SCCPDH: variants seen among roughly 807,000 people sequenced by gnomAD.
SCCPDH encodes the protein saccharopine dehydrogenase-like oxidoreductase.
In SCCPDH, 34 loss-of-function variants were observed where a neutral mutation model predicts 51.5. The ratio of observed to expected loss-of-function variants is 0.66; its 90% confidence interval spans 0.50 to 0.88. The LOEUF (loss-of-function observed/expected upper bound fraction) is 0.88. Among genes scored for constraint, SCCPDH ranks in the 40% least tolerant of loss-of-function variants. SCCPDH has a pLI of 0.00. For synonymous variants in SCCPDH, 187 were observed against 191.3 expected, an observed-to-expected ratio of 0.98 and a Z score of 0.19; for missense variants, 464 against 527.1, an observed-to-expected ratio of 0.88 and a Z score of 1.17.
At chr1:246,766,879 C>CT (rs141991606) in intron 11 of SCCPDH, among the ~76,000 whole-genome samples, 2,567 of 152,214 alleles carry the variant, frequency 0.017, 61 homozygotes, top group African/African-American at 0.059. Flanking sequence ...CCCCCTAAGT[C>CT]TGAGGACTGT....
intron 5 of SCCPDH, among the ~76,000 whole-genome samples, chr1:246,745,691 G>A (rs1668748250): frequency 6.6e-6 from 1 of 152,130 alleles, no homozygotes; most frequent in Non-Finnish European, 1.5e-5. Context: ...TCTCGATTGT[G>A]GGTTCAGATT....
At chr1:246,743,987 T>A (rs965902813) in intron 4 of SCCPDH, 89 bp from the exon 5 acceptor site, 11 of 742,708 alleles carry the variant, frequency 1.5e-5, no homozygotes, top group African/African-American at 8.8e-5. Context: ...AGCTAGTCCC[T>A]AAGTGAATAC....
intron 5 of SCCPDH, among the ~76,000 whole-genome samples, chr1:246,757,518 A>T (rs1171224072): frequency 6.6e-6 from 1 of 152,090 alleles, no homozygotes; most frequent in Non-Finnish European, 1.5e-5. Flanking sequence ...TCATGAAAGG[A>T]TGAAAAATCA....
chr1:246,759,010 A>C (rs531130316), intron 6 of SCCPDH, 24 bp from the exon 7 acceptor site: 2 of 1,297,136 alleles, frequency 1.5e-6, no homozygotes, highest in South Asian at 2.4e-5. Flanking sequence ...GGAAATGCAA[A>C]ATATTCATAG....
chr1:246,739,200 T>C (rs1399614163), intron 3 of SCCPDH, among the ~76,000 whole-genome samples: 4 of 152,188 alleles, frequency 2.6e-5, no homozygotes, highest in African/African-American at 9.7e-5. Context: ...AGAAACCTGG[T>C]GAACACTGCC....
chr1:246,725,195 A>G (rs1271982569), intron 1 of SCCPDH, among the ~76,000 whole-genome samples: 1 of 152,218 alleles, frequency 6.6e-6, no homozygotes, highest in East Asian at 1.9e-4. Flanking sequence ...TTTCTGGTTT[A>G]GACGCTTACG....
At chr1:246,749,262 A>G (rs1668816165) in intron 5 of SCCPDH, among the ~76,000 whole-genome samples, 1 of 152,222 alleles carries the variant, frequency 6.6e-6, no homozygotes, top group East Asian at 1.9e-4. Flanking sequence ...TTAGCGTGCA[A>G]ACAGAATATT....
chr1:246,762,841 C>CAAA (rs35066232), intron 9 of SCCPDH, among the ~76,000 whole-genome samples: 2 of 90,924 alleles, frequency 2.2e-5, no homozygotes. Context: ...ATTCCTTCTC[C>CAAA]AAAAAAAAAA....
chr1:246,727,080 G>A, intron 2 of SCCPDH, 76 bp downstream of exon 2: 1 of 1,146,114 alleles, frequency 8.7e-7, no homozygotes, highest in South Asian at 1.3e-5. Context: ...AGGAACATAA[G>A]GACAGAGGAC....
chr1:246,758,453 G>A (rs144574514), intron 6 of SCCPDH, 97 bp downstream of exon 6: 1 of 831,808 alleles, frequency 1.2e-6, no homozygotes, highest in East Asian at 2.9e-5. Context: ...AAAGCTTGGA[G>A]ACTAATTTGT....
chr1:246,759,831 T>C (rs1572306775), intron 7 of SCCPDH, 126 bp from the exon 8 acceptor site: 1 of 1,041,732 alleles, frequency 9.6e-7, no homozygotes, highest in East Asian at 2.6e-5. Flanking sequence ...ACATAATGCA[T>C]TTGTAAAGTG....
chr1:246,740,637 T>C (rs1357216768), intron 4 of SCCPDH, among the ~76,000 whole-genome samples: 2 of 152,218 alleles, frequency 1.3e-5, no homozygotes, highest in Non-Finnish European at 2.9e-5. Context: ...ATTTGTATAT[T>C]ATAGTTAAAA....
At chr1:246,724,954 G>A (rs1668370436) in intron 1 of SCCPDH, among the ~76,000 whole-genome samples, 2 of 152,008 alleles carry the variant, frequency 1.3e-5, no homozygotes, top group South Asian at 4.1e-4. Flanking sequence ...ATCCTGCCCC[G>A]CAGCGGGGGC....
chr1:246,757,407 C>T (rs1386156798), intron 5 of SCCPDH, among the ~76,000 whole-genome samples: 1 of 150,628 alleles, frequency 6.6e-6, no homozygotes, highest in African/African-American at 2.4e-5. Context: ...CGTGTCCTCT[C>T]CTGGGGTCTC....
In SCCPDH at chr1:246,726,937, T is replaced by C. The variant is rs150533789; in HGVS notation, c.236T>C (p.Ile79Thr). The change falls in exon 2 of 12, where the codon ATT becomes ACT. Residue 79 changes from isoleucine (I) to threonine (T), a missense_variant. Ile to Thr is a moderately conservative substitution (Grantham distance 89). Coordinates refer to ENST00000366510, the MANE Select transcript of SCCPDH (RefSeq NM_016002.3). Reference protein sequence around the residue: ...SSEVGIIICDIANPASLDEMA... With the variant: ...SSEVGIIICDTANPASLDEMA... ...GAAGTTGGAATCATCATCTGTGATA[T>C]TGCTAATCCAGCCTCGCTTGATGAA... is the stretch of plus-strand genomic sequence containing the variant. The C allele has an allele frequency of 3.5e-5, 57 of 1,614,072 alleles. No homozygotes were observed. The African/African-American group carries it at 6.0e-4, about 17-fold the overall frequency.
At chr1:246,726,270 T>C (rs1668398987) in intron 1 of SCCPDH, among the ~76,000 whole-genome samples, 1 of 151,952 alleles carries the variant, frequency 6.6e-6, no homozygotes, top group Non-Finnish European at 1.5e-5. Flanking sequence ...CAAGTTCTCA[T>C]TCTGCCACCC....
intron 3 of SCCPDH, among the ~76,000 whole-genome samples, chr1:246,739,132 C>T (rs1051824411): frequency 1.3e-5 from 2 of 151,790 alleles, no homozygotes; most frequent in Non-Finnish European, 2.9e-5. Flanking sequence ...TGTGCTTGAA[C>T]AGGTGTGATT....
At chr1:246,733,491 TAC>T (rs57989437) in intron 2 of SCCPDH, among the ~76,000 whole-genome samples, 6,732 of 148,896 alleles carry the variant, frequency 0.045, 506 homozygotes, top group African/African-American at 0.16. Flanking sequence ...TCATATTTTA[TAC>T]ACACACACAC....
intron 4 of SCCPDH, among the ~76,000 whole-genome samples, chr1:246,743,405 A>G (rs1668709260): frequency 6.6e-6 from 1 of 151,952 alleles, no homozygotes; most frequent in Admixed American, 6.6e-5. Flanking sequence ...CAATATGGTG[A>G]AACCCCATCT....
Sources: allele counts gnomAD v4.1 joint callset (sites outside exome capture counted in the v4.1 genomes callset), GRCh38; gene constraint gnomAD v4.1.1; transcripts MANE v1.5; gene names NCBI Gene and HGNC (gene_info 2026-07-23, HGNC 2026-07-21).